The following TRANK1 variants were observed in gnomAD, a reference collection of about 807,000 sequenced individuals.
TRANK1 encodes TPR and ankyrin repeat-containing protein 1.
In TRANK1, 198 loss-of-function variants were observed where a neutral mutation model predicts 266.0. That is an observed-to-expected ratio of 0.74 (90% CI 0.66 to 0.84). The LOEUF (loss-of-function observed/expected upper bound fraction) is 0.84, where lower values mean the gene tolerates loss of function less well. Ranked by LOEUF, TRANK1 falls within the 40% of genes least tolerant of loss-of-function variation. The pLI is 0.00. For missense variants in TRANK1, 3,326 were observed against 3,634.6 expected (o/e 0.92, Z 2.18); for synonymous variants, 1,396 against 1,384.1 (o/e 1.01, Z -0.19).
chr3:36,892,384 T>TCC (rs1168771938), intron 6 of TRANK1, 44 bp from the exon 7 acceptor site: 1 of 1,534,716 alleles, frequency 6.5e-7, no homozygotes, highest in Non-Finnish European at 8.7e-7. Context: ...AAGTCACTAA[T>TCC]CAATATGAAG....
At chr3:36,853,102 T>A (rs756233042) in intron 13 of TRANK1, among the ~76,000 whole-genome samples, 11 of 152,194 alleles carry the variant, frequency 7.2e-5, no homozygotes, top group Non-Finnish European at 1.6e-4. Flanking sequence ...AATAGTGACA[T>A]TGGCTTAATG....
Position 36,832,187 on chromosome 3 carries a change from C to A in TRANK1, c.7396G>T (p.Val2466Leu), listed in dbSNP as rs747932491. Residue 2466 changes from valine (V) to leucine (L), a missense_variant, in exon 22 of 24, where the codon GTG becomes TTG. Coordinates refer to ENST00000645898, the MANE Select transcript of TRANK1 (RefSeq NM_001329998.2). ...LEFQFIHCGV[V>L]LARLWKNVIL... ...ACATTCTTCCAGAGGCGGGCCAGCA[C>A]CACCCCACAGTGGATGAACTGGAAC... The A allele has an allele frequency of 8.7e-6, 14 of 1,613,848 alleles. No homozygotes were observed. The African/African-American group carries it at 1.6e-4, about 18-fold the overall frequency.
chr3:36,871,582 T>G (rs2079310817), intron 9 of TRANK1, among the ~76,000 whole-genome samples: 2 of 152,124 alleles, frequency 1.3e-5, no homozygotes, highest in African/African-American at 4.8e-5. Flanking sequence ...ACCTACTCAT[T>G]ATACAACCTC....
In TRANK1 at chr3:36,847,254, G is replaced by A. The variant is rs376401844; in HGVS notation, c.4980C>T (p.Asp1660=). ...ENRPLVEVPL[D]KPGSSQGRSL... is the part of the protein sequence containing the mutation. ...ATCGACCCTGAGAAGAGCCTGGTTT[G>A]TCCAGGGGTACTTCAACCAATGGCC... is the stretch of plus-strand genomic sequence containing the variant. The change falls in exon 16 of 24, where the codon GAC becomes GAT. Residue 1660 remains aspartate, a synonymous_variant. Transcript: ENST00000645898. The A allele has an allele frequency of 6.8e-6, 11 of 1,613,432 alleles. No homozygotes were observed. In the African/African-American group the frequency reaches 1.5e-4, roughly 22 times the overall value.
intron 1 of TRANK1, among the ~76,000 whole-genome samples, chr3:36,938,304 C>T (rs953480657): frequency 5.9e-5 from 9 of 152,076 alleles, no homozygotes; most frequent in Admixed American, 1.3e-4. Context: ...CTGCAACCTC[C>T]GCCTCCTGGG....
chr3:36,848,786 AT>A (rs1173983181), intron 15 of TRANK1, among the ~76,000 whole-genome samples: 1 of 152,234 alleles, frequency 6.6e-6, no homozygotes, highest in Non-Finnish European at 1.5e-5. Flanking sequence ...AGACAACAAA[AT>A]TGTTTACCAA....
chr3:36,852,365 C>A lies in TRANK1; in HGVS notation c.4550-20G>T, dbSNP rs943690568. The A allele has an allele frequency of 2.0e-6, 3 of 1,537,214 alleles. No homozygotes were observed. The highest frequency in any genetic ancestry group is 1.7e-6 in the Non-Finnish European group (2 of 1,147,790). On this transcript the variant is annotated intron_variant, in intron 13 of 23. Transcript: ENST00000645898. Reference sequence around the variant, plus strand: ...GGATTCCTGGAATGAAACAGAAAACCCAAGTTGGATAATTAACAACATGGC... The same window carrying A: ...GGATTCCTGGAATGAAACAGAAAACACAAGTTGGATAATTAACAACATGGC...
chr3:36,887,630 C>G (rs2079626209), intron 8 of TRANK1, among the ~76,000 whole-genome samples: 1 of 152,134 alleles, frequency 6.6e-6, no homozygotes, highest in Non-Finnish European at 1.5e-5. Context: ...TTTTTAAGCT[C>G]ATCAGCCATC....
chr3:36,881,498 A>G (rs1411173698), intron 8 of TRANK1, among the ~76,000 whole-genome samples: 4 of 152,070 alleles, frequency 2.6e-5, no homozygotes, highest in Admixed American at 1.3e-4. Flanking sequence ...CTGTAGTCTC[A>G]GCTACTTGGG....
chr3:36,879,892 G>GTAAATATACAAATATATGTAAATATA (rs1559449240), intron 8 of TRANK1, among the ~76,000 whole-genome samples: 7 of 34,036 alleles, frequency 2.1e-4, no homozygotes, highest in Non-Finnish European at 2.6e-4. Context: ...ATGTAAACAT[G>GTAAATATACAAATATATGTAAATATA]CAAATATATG....
chr3:36,857,124 C>T lies in TRANK1; in HGVS notation c.2598G>A (p.Leu866=), dbSNP rs2125545326. 6.2e-7 allele frequency: 1 copy of T among 1,614,006 alleles called. No individual in the cohort carries two copies. The highest frequency in any genetic ancestry group is 1.1e-5 in the South Asian group (1 of 91,088). ...KKKIILAIQQ[L]GNGEWTQGLQ... Reference sequence around the variant, plus strand: ...GGCCCTGGGTCCACTCGCCATTTCCCAGCTGCTGAATGGCAAGGATGATTT... The same window carrying T: ...GGCCCTGGGTCCACTCGCCATTTCCTAGCTGCTGAATGGCAAGGATGATTT... The change falls in exon 13 of 24, where the codon CTG becomes CTA. Residue 866 remains leucine, a synonymous_variant. Transcript: ENST00000645898. This position sits in a 1 kb window ranked among gnomAD's most constrained non-coding sequence, Gnocchi z 4.3.
intron 4 of TRANK1, among the ~76,000 whole-genome samples, chr3:36,898,449 C>CA (rs11413359): frequency 0.29 from 43,070 of 149,894 alleles, 6,491 homozygotes; most frequent in East Asian, 0.56. Flanking sequence ...AAATCCATCT[C>CA]AAACAAAAAA....
intron 15 of TRANK1, chr3:36,851,263 G>A (rs1207316358): frequency 1.0e-6 from 1 of 986,736 alleles, no homozygotes; most frequent in Non-Finnish European, 1.2e-6. Context: ...CACATTACCT[G>A]ATCCAGAGGG....
At chr3:36,867,821 C>G (rs549985035) in intron 9 of TRANK1, among the ~76,000 whole-genome samples, 1 of 152,364 alleles carries the variant, frequency 6.6e-6, no homozygotes, top group East Asian at 1.9e-4. Context: ...AAATAACATT[C>G]CTTTCAACAG....
rs371331632 is a variant in TRANK1, at chr3:36,857,400, C to T, written c.2322G>A (p.Pro774=). 46 of 1,612,706 alleles carry T rather than the reference C, an allele frequency of 2.9e-5. No individual in the cohort carries two copies. Among genetic ancestry groups the T allele is most frequent in the South Asian group, 3.3e-5 (3 of 90,882 alleles). The change falls in exon 13 of 24, where the codon CCG becomes CCA. Residue 774 remains proline (P), a synonymous_variant. Transcript: ENST00000645898. This position sits in a 1 kb window ranked among gnomAD's most constrained non-coding sequence, Gnocchi z 4.3. ...AGKEGKKDDK[P]TLGAGAPDCS... Reference sequence around the variant, plus strand: ...AGTCAGGGGCCCCTGCACCCAGAGTCGGCTTGTCATCTTTCTTTCCTTCTT... The same window carrying T: ...AGTCAGGGGCCCCTGCACCCAGAGTTGGCTTGTCATCTTTCTTTCCTTCTT...
At chr3:36,903,039 C>T in intron 3 of TRANK1, 110 bp downstream of exon 3, 3 of 1,365,924 alleles carry the variant, frequency 2.2e-6, no homozygotes, top group Non-Finnish European at 2.9e-6. Context: ...GCAGCAGCTG[C>T]CACCCCCAGG....
At chr3:36,940,683 C>T (rs183775375) in intron 1 of TRANK1, among the ~76,000 whole-genome samples, 1 of 152,268 alleles carries the variant, frequency 6.6e-6, no homozygotes, top group East Asian at 1.9e-4. Context: ...TCTGCACCTC[C>T]ACTAATCCTT....
rs376170753 is a variant in TRANK1 at position 36,856,257 on chromosome 3, C to T, written c.3465G>A (p.Glu1155=). 1 of 1,609,798 alleles carries T rather than the reference C, an allele frequency of 6.2e-7. No individual in the cohort carries two copies. Among genetic ancestry groups the T allele is most frequent in the African/African-American group, 1.3e-5 (1 of 74,956 alleles). The change falls in exon 13 of 24, where the codon GAG becomes GAA. Residue 1155 remains glutamate, a synonymous_variant. Transcript: ENST00000645898. ...IEVETVESID[E]QEYEACAGGA... ...CTCCTGCGCAGGCTTCATACTCCTG[C>T]TCATCTATGCTTTCTACTGTTTCCA...
At chr3:36,874,044 CA>C in intron 9 of TRANK1, 81 bp downstream of exon 9, 1 of 1,295,216 alleles carries the variant, frequency 7.7e-7, no homozygotes. Context: ...ATATATATAC[CA>C]AAAAGAGATA....
Sources: allele counts gnomAD v4.1 joint callset (sites outside exome capture counted in the v4.1 genomes callset), GRCh38; gene constraint gnomAD v4.1.1; non-coding constraint Gnocchi (gnomAD v3.1); transcripts MANE v1.5; gene names NCBI Gene and HGNC (gene_info 2026-07-23, HGNC 2026-07-21).